The following DSCAM variants were observed in gnomAD, a reference collection of about 807,000 sequenced individuals.
DSCAM encodes the protein DS cell adhesion molecule.
In DSCAM, 47 loss-of-function variants were observed where a neutral mutation model predicts 217.7. That is an observed-to-expected ratio of 0.22 (90% confidence interval 0.17 to 0.28). DSCAM has a LOEUF of 0.28. Among genes scored for constraint, DSCAM ranks in the 10% least tolerant of loss-of-function variants. DSCAM has a pLI of 1.00. For missense variants in DSCAM, 2,080 were observed against 2,618.3 expected (o/e 0.79, Z 4.49); for synonymous variants, 1,056 against 1,015.3 (o/e 1.04, Z -0.76).
At chr21:40,187,776 T>G in intron 13 of DSCAM, 115 bp downstream of exon 13, 1 of 943,864 alleles carries the variant, frequency 1.1e-6, no homozygotes, top group Non-Finnish European at 1.7e-6. Context: ...CAAAATTTCC[T>G]GGGAATTAGG....
At chr21:40,791,026 T>TA (rs970757036) in intron 1 of DSCAM, among the ~76,000 whole-genome samples, 3 of 149,950 alleles carry the variant, frequency 2.0e-5, no homozygotes, top group Admixed American at 6.7e-5. Flanking sequence ...AAAATAAAAA[T>TA]AAAAAAAATT....
chr21:40,112,082 GA>G (rs2089906311), intron 20 of DSCAM, among the ~76,000 whole-genome samples: 1 of 150,620 alleles, frequency 6.6e-6, no homozygotes, highest in South Asian at 2.1e-4. Context: ...GACATCTACA[GA>G]ACTCTCCACC....
At chr21:40,772,486 C>T (rs998764684) in intron 1 of DSCAM, among the ~76,000 whole-genome samples, 5 of 152,162 alleles carry the variant, frequency 3.3e-5, no homozygotes, top group African/African-American at 1.2e-4. Flanking sequence ...ATGGTTATTG[C>T]CTATCTCTTT....
chr21:40,375,153 C>T (rs1262174592), intron 3 of DSCAM, among the ~76,000 whole-genome samples: 1 of 152,136 alleles, frequency 6.6e-6, no homozygotes, highest in Non-Finnish European at 1.5e-5. Flanking sequence ...AGGCCCTCTG[C>T]TTCTACCTCC....
intron 1 of DSCAM, among the ~76,000 whole-genome samples, chr21:40,774,132 C>T (rs1050963878): frequency 6.6e-6 from 1 of 152,218 alleles, no homozygotes; most frequent in Non-Finnish European, 1.5e-5. Flanking sequence ...CCACATCATA[C>T]AGGACAGGCG....
chr21:40,145,976 G>GTGTA (rs56725818), intron 16 of DSCAM, among the ~76,000 whole-genome samples: 21,941 of 110,340 alleles, frequency 0.2, 2,067 homozygotes, highest in East Asian at 0.41. Context: ...ACACATACAT[G>GTGTA]TGTATGTATG....
chr21:40,539,322 C>T (rs190027566), intron 3 of DSCAM, among the ~76,000 whole-genome samples: 2 of 142,256 alleles, frequency 1.4e-5, no homozygotes, highest in Non-Finnish European at 1.5e-5. Flanking sequence ...GCAACGCCGT[C>T]GTCTCTACTA....
chr21:40,767,919 T>A (rs1392498103), intron 1 of DSCAM, among the ~76,000 whole-genome samples: 1 of 152,144 alleles, frequency 6.6e-6, no homozygotes, highest in African/African-American at 2.4e-5. Flanking sequence ...TGTGCGTGTG[T>A]GCATGTTACA....
chr21:40,510,624 G>T (rs1490195523), intron 3 of DSCAM, among the ~76,000 whole-genome samples: 2 of 152,222 alleles, frequency 1.3e-5, no homozygotes, highest in Non-Finnish European at 2.9e-5. Flanking sequence ...AGAAGGAAGA[G>T]AACTCCTCAC....
At position 40,187,145 on chromosome 21, in the gene DSCAM, C is replaced by G; in HGVS notation, c.2765G>C (p.Cys922Ser). 6 of 1,613,234 alleles carry G rather than the reference C, an allele frequency of 3.7e-6. No homozygotes were observed. Among genetic ancestry groups the G allele is most frequent in the Non-Finnish European group, 5.1e-6 (6 of 1,179,712 alleles). Reference protein sequence around the residue: ...NSPITGYDIECKNKSDSWDSA... With the variant: ...NSPITGYDIESKNKSDSWDSA... ...AAAGAACTTACCTGATTTATTTTTGCATTCAATATCGTAGCCTGTGATGGG... is the reference window on the plus strand; with the variant it reads ...AAAGAACTTACCTGATTTATTTTTGGATTCAATATCGTAGCCTGTGATGGG... The change falls in exon 14 of 33, where the codon TGC (cysteine) becomes TCC (serine). Residue 922 changes from cysteine (C) to serine (S), a missense_variant. By Grantham distance (112) the Cys-to-Ser change is moderately radical. Transcript: ENST00000400454.
In DSCAM at chr21:40,211,963, C is replaced by CT. The variant is rs538369747; in HGVS notation, c.2357-22726dup. On this transcript the variant is annotated intron_variant, in intron 11 of 32. Transcript: ENST00000400454. ...GTTGTGGGAGACTGAAATTCTGAAG[C>CT]TTTTTTTTTTTTGGTGTGGGGGGTG... Among the ~76,000 whole-genome samples the CT allele has an allele frequency of 2.5e-3, 329 of 131,832 alleles. 2 individuals are homozygous for CT. The highest frequency in any genetic ancestry group is 0.012 in the South Asian group (51 of 4,100). The allele number at this position is 131,832 out of a possible 152,430, so 86.5% of individuals were successfully genotyped here. A position where few individuals can be genotyped will look rare whatever the true frequency, so the allele number is the denominator to read the frequency against.
chr21:40,423,731 G>A lies in DSCAM; in HGVS notation c.509-54486C>T, dbSNP rs577103501. ...AGGCAAGAATTGGTGTTGCTATAGAGCCATATGGATTCGCTGCCGGTAACT... is the reference window on the plus strand; with the variant it reads ...AGGCAAGAATTGGTGTTGCTATAGAACCATATGGATTCGCTGCCGGTAACT... On this transcript the variant is annotated intron_variant, in intron 3 of 32. Transcript: ENST00000400454. Among the ~76,000 whole-genome samples, 216 of 152,262 alleles carry A rather than the reference G, an allele frequency of 1.4e-3. 1 individual carries two copies. Among genetic ancestry groups the A allele is most frequent in the Admixed American group, 4.0e-3 (61 of 15,292 alleles).
chr21:40,062,807 C>A, intron 28 of DSCAM, 62 bp downstream of exon 28: 1 of 1,473,194 alleles, frequency 6.8e-7, no homozygotes, highest in Non-Finnish European at 9.1e-7. Context: ...TAGAAATCAT[C>A]AAGGCAAGTT....
chr21:40,436,438 C>A (rs1255627586), intron 3 of DSCAM, among the ~76,000 whole-genome samples: 2 of 152,172 alleles, frequency 1.3e-5, no homozygotes, highest in East Asian at 1.9e-4. Flanking sequence ...TCTCTCTGAA[C>A]AGGAATTCAG....
intron 3 of DSCAM, among the ~76,000 whole-genome samples, chr21:40,622,639 T>C (rs1044280719): frequency 2.0e-5 from 3 of 152,162 alleles, no homozygotes; most frequent in Middle Eastern, 3.2e-3. Context: ...GCAGGAGGTA[T>C]AGCCTGCCCG....
chr21:40,238,835 C>T (rs1322866407), intron 11 of DSCAM, among the ~76,000 whole-genome samples: 1 of 152,142 alleles, frequency 6.6e-6, no homozygotes, highest in African/African-American at 2.4e-5. Flanking sequence ...TAGAATCCTA[C>T]CACTTTCAGG....
At chr21:40,456,926 T>C (rs922906513) in intron 3 of DSCAM, among the ~76,000 whole-genome samples, 10 of 152,268 alleles carry the variant, frequency 6.6e-5, no homozygotes, top group African/African-American at 2.2e-4. Flanking sequence ...ACTATAGTAT[T>C]AGGAGTAAAA....
At chr21:40,613,045 C>T (rs1013338380) in intron 3 of DSCAM, among the ~76,000 whole-genome samples, 2 of 152,150 alleles carry the variant, frequency 1.3e-5, no homozygotes, top group African/African-American at 4.8e-5. Context: ...AGATAGATGG[C>T]TGTGACAGAT....
At chr21:40,499,833 T>C (rs905496839) in intron 3 of DSCAM, among the ~76,000 whole-genome samples, 3 of 151,980 alleles carry the variant, frequency 2.0e-5, no homozygotes, top group South Asian at 2.1e-4. Flanking sequence ...CAGGATGGAG[T>C]GTAGTGATGC....
Sources: gnomAD v4.1 joint callset for allele counts (sites outside exome capture counted in the v4.1 genomes callset) on GRCh38, gnomAD v4.1.1 for gene constraint, MANE v1.5 for transcripts, NCBI Gene and HGNC (gene_info 2026-07-23, HGNC 2026-07-21) for gene names.